The following PPP1R14C variants were observed in gnomAD, a reference collection of about 807,000 sequenced individuals.
PPP1R14C encodes the protein protein phosphatase 1 regulatory subunit 14C.
In PPP1R14C, 16 loss-of-function variants were observed where a neutral mutation model predicts 20.4. That is an observed-to-expected ratio of 0.78 (90% CI 0.53 to 1.19). PPP1R14C has a LOEUF of 1.19. Ranked by LOEUF, PPP1R14C falls within the 50% of genes most tolerant of loss-of-function variation. The pLI, the probability that PPP1R14C is intolerant of heterozygous loss-of-function variation, is 0.00. For missense variants in PPP1R14C, 211 were observed against 220.1 expected, an observed-to-expected ratio of 0.96 and a Z score of 0.26; for synonymous variants, 91 against 91.0, an observed-to-expected ratio of 1.00 and a Z score of 0.00.
chr6:150,197,692 C>T (rs1197568378), intron 1 of PPP1R14C, among the ~76,000 whole-genome samples: 2 of 152,224 alleles, frequency 1.3e-5, no homozygotes, highest in African/African-American at 2.4e-5. Context: ...TGGAGGAGGG[C>T]CTGGATGCCC....
At chr6:150,183,781 C>T (rs1041461616) in intron 1 of PPP1R14C, among the ~76,000 whole-genome samples, 4 of 152,226 alleles carry the variant, frequency 2.6e-5, no homozygotes, top group Non-Finnish European at 4.4e-5. Flanking sequence ...GCTGGGATTA[C>T]AGGCGTGAGC....
intron 3 of PPP1R14C, among the ~76,000 whole-genome samples, chr6:150,246,770 A>T (rs1175795529): frequency 2.6e-5 from 4 of 152,234 alleles, no homozygotes; most frequent in African/African-American, 9.6e-5. Context: ...CAGTGGTGGG[A>T]GGAATTAAGC....
chr6:150,174,843 G>C (rs145345592), intron 1 of PPP1R14C, among the ~76,000 whole-genome samples: 1 of 151,770 alleles, frequency 6.6e-6, no homozygotes, highest in South Asian at 2.1e-4. Flanking sequence ...TCGCACGCCT[G>C]TAATCCCAGC....
At chr6:150,144,384 T>C (rs1205672249) in intron 1 of PPP1R14C, among the ~76,000 whole-genome samples, 1 of 152,242 alleles carries the variant, frequency 6.6e-6, no homozygotes, top group Non-Finnish European at 1.5e-5. Flanking sequence ...ATATGTAGAA[T>C]AAACTGCAGC....
In PPP1R14C at chr6:150,234,307, C is replaced by T. The variant is rs576896307; in HGVS notation, c.424-14439C>T. ...GTGGGAGTGTAAAATGGTACAATCA[C>T]TTTAGAAAACTGTGGGGAGGGGGGC... On this transcript the variant is annotated intron_variant, in intron 3 of 3. Transcript: ENST00000361131. 6.3e-4 allele frequency among the ~76,000 whole-genome samples: 96 copies of T among 152,200 alleles called. 2 individuals carry two copies. In the South Asian group the frequency reaches 0.012, roughly 19 times the overall value.
At chr6:150,246,195 T>C (rs1778489220) in intron 3 of PPP1R14C, among the ~76,000 whole-genome samples, 1 of 152,168 alleles carries the variant, frequency 6.6e-6, no homozygotes, top group African/African-American at 2.4e-5. Flanking sequence ...GATTATTCCT[T>C]ATGTAATTTT....
intron 1 of PPP1R14C, among the ~76,000 whole-genome samples, chr6:150,149,299 A>ATATGTGTGTG (rs1554280427): frequency 8.8e-5 from 13 of 147,448 alleles, no homozygotes; most frequent in African/African-American, 3.2e-4. Context: ...CTCCATACAT[A>ATATGTGTGTG]TGTGTGTGTG....
chr6:150,223,657 T>C (rs889279851), intron 3 of PPP1R14C, among the ~76,000 whole-genome samples: 6 of 152,222 alleles, frequency 3.9e-5, no homozygotes, highest in African/African-American at 1.4e-4. Flanking sequence ...ATGTTAACTA[T>C]GTCTGTTAAG....
chr6:150,182,877 G>T (rs1247264098), intron 1 of PPP1R14C, among the ~76,000 whole-genome samples: 1 of 152,164 alleles, frequency 6.6e-6, no homozygotes, highest in African/African-American at 2.4e-5. Context: ...TAGGTTCTAT[G>T]GCACAGCCTA....
intron 3 of PPP1R14C, among the ~76,000 whole-genome samples, chr6:150,239,925 A>C (rs1778411946): frequency 6.6e-6 from 1 of 152,008 alleles, no homozygotes; most frequent in Admixed American, 6.6e-5. Context: ...GTGGTGGTGC[A>C]TGCCTGTAAT....
chr6:150,222,765 C>CTTTTTTTTTTTTTT (rs4038164), intron 3 of PPP1R14C, among the ~76,000 whole-genome samples: 13 of 71,280 alleles, frequency 1.8e-4, no homozygotes, highest in African/African-American at 3.5e-4. Flanking sequence ...TTCAAACTGG[C>CTTTTTTTTTTTTTT]TTTTTTTTTT....
At chr6:150,167,673 A>G (rs976633022) in intron 1 of PPP1R14C, among the ~76,000 whole-genome samples, 2 of 152,136 alleles carry the variant, frequency 1.3e-5, no homozygotes, top group Non-Finnish European at 2.9e-5. Flanking sequence ...TCGGAAGACC[A>G]GAGCTGTCTT....
At chr6:150,216,114 C>T (rs746101019) in intron 2 of PPP1R14C, among the ~76,000 whole-genome samples, 1 of 152,242 alleles carries the variant, frequency 6.6e-6, no homozygotes. Context: ...AATTAGTCCA[C>T]ATCTCTCTGA....
chr6:150,213,293 G>A (rs1026243626), intron 1 of PPP1R14C, among the ~76,000 whole-genome samples: 8 of 152,044 alleles, frequency 5.3e-5, no homozygotes, highest in Admixed American at 2.6e-4. Context: ...CGAGGATAGT[G>A]TATCATATTC....
At chr6:150,205,209 T>C (rs1777932972) in intron 1 of PPP1R14C, among the ~76,000 whole-genome samples, 1 of 152,034 alleles carries the variant, frequency 6.6e-6, no homozygotes, top group Admixed American at 6.5e-5. Flanking sequence ...AAAGACCTCC[T>C]CAGCCTAGTT....
chr6:150,214,813 G>T lies in PPP1R14C; in HGVS notation c.376G>T (p.Ala126Ser). Residue 126 changes from alanine to serine, a missense_variant, in exon 2 of 4, where the codon GCT (alanine) becomes TCT (serine). By Grantham distance (99) the Ala-to-Ser change is moderately conservative. Transcript: ENST00000361131. Reference protein sequence around the residue: ...LLDADSDEERASKLQEALVDC... With the variant: ...LLDADSDEERSSKLQEALVDC... ...TGATGCAGACAGTGATGAAGAGAGA[G>T]CTTCAAAATTACAGGTAAGCAGTTT... 6.2e-7 allele frequency: 1 copy of T among 1,610,316 alleles called. No homozygotes were observed. Among genetic ancestry groups the T allele is most frequent in the South Asian group, 1.1e-5 (1 of 90,068 alleles).
rs148476725 is a variant in PPP1R14C at position 150,163,659 on chromosome 6, C to T, written c.306+20161C>T. On this transcript the variant is annotated intron_variant, in intron 1 of 3. Transcript: ENST00000361131. Reference sequence around the variant, plus strand: ...TTTTTTTGTTGTTGTTGTTGTTCAACATTAGATGTGTGAGATACACCCACA... The same window carrying T: ...TTTTTTTGTTGTTGTTGTTGTTCAATATTAGATGTGTGAGATACACCCACA... Among the ~76,000 whole-genome samples the T allele has an allele frequency of 5.0e-3, 760 of 152,168 alleles. 5 individuals are homozygous for T. The highest frequency in any genetic ancestry group is 0.018 in the African/African-American group (727 of 41,492).
At chr6:150,240,022 C>T (rs1778412779) in intron 3 of PPP1R14C, among the ~76,000 whole-genome samples, 1 of 151,860 alleles carries the variant, frequency 6.6e-6, no homozygotes, top group Non-Finnish European at 1.5e-5. Flanking sequence ...CCACTGCACT[C>T]CAGCCTGGGT....
At chr6:150,167,645 A>T (rs1777438239) in intron 1 of PPP1R14C, among the ~76,000 whole-genome samples, 1 of 152,134 alleles carries the variant, frequency 6.6e-6, no homozygotes, top group Admixed American at 6.5e-5. Context: ...GGGAGGAGAC[A>T]GAGCATCTAT....
Sources: allele counts gnomAD v4.1 joint callset (sites outside exome capture counted in the v4.1 genomes callset), GRCh38; gene constraint gnomAD v4.1.1; transcripts MANE v1.5; gene names NCBI Gene and HGNC (gene_info 2026-07-23, HGNC 2026-07-21).